The following FAM151B variants were observed in gnomAD, a reference collection of about 807,000 sequenced individuals.
FAM151B encodes the protein protein FAM151B.
Under a neutral mutation model 31.2 loss-of-function variants are expected in FAM151B, and 24 were observed. That is an observed-to-expected ratio of 0.77 (90% CI 0.56 to 1.08). The LOEUF (loss-of-function observed/expected upper bound fraction) is 1.08, where lower values mean the gene tolerates loss of function less well. FAM151B is among the 50% of genes least tolerant of loss of function. FAM151B has a pLI of 0.00. For synonymous variants in FAM151B, 105 were observed against 111.4 expected (o/e 0.94, Z 0.36); for missense variants, 293 against 328.6 (o/e 0.89, Z 0.84).
At chr5:80,504,681 A>G (rs1045422172) in intron 2 of FAM151B, among the ~76,000 whole-genome samples, 5 of 151,862 alleles carry the variant, frequency 3.3e-5, no homozygotes, top group Admixed American at 6.6e-5. Flanking sequence ...CACCATGCCC[A>G]GCTAATTTTT....
intron 2 of FAM151B, among the ~76,000 whole-genome samples, chr5:80,512,694 A>T (rs1053104384): frequency 1.2e-4 from 18 of 150,788 alleles, no homozygotes; most frequent in Middle Eastern, 3.4e-3. Context: ...AGGCGGGAGG[A>T]TTGCTTGAGC....
chr5:80,496,581 G>A (rs1463723131), intron 1 of FAM151B, among the ~76,000 whole-genome samples: 2 of 151,982 alleles, frequency 1.3e-5, no homozygotes, highest in African/African-American at 4.8e-5. Flanking sequence ...CCTATAAAAT[G>A]TATGATACCA....
chr5:80,538,533 C>CTTTCTTTTCT (rs138411434), intron 5 of FAM151B, among the ~76,000 whole-genome samples: 1 of 108,154 alleles, frequency 9.2e-6, no homozygotes, highest in African/African-American at 5.3e-5. Context: ...TCCTTCCTTC[C>CTTTCTTTTCT]TTCCTTCCTT....
chr5:80,516,974 T>G (rs1454633908), intron 3 of FAM151B, among the ~76,000 whole-genome samples: 1 of 152,186 alleles, frequency 6.6e-6, no homozygotes, highest in African/African-American at 2.4e-5. Context: ...TGTGGTGAAA[T>G]CTGGTACTTT....
intron 5 of FAM151B, among the ~76,000 whole-genome samples, chr5:80,522,726 T>C (rs1039940294): frequency 6.6e-6 from 1 of 152,146 alleles, no homozygotes; most frequent in African/African-American, 2.4e-5. Context: ...CATACAACTG[T>C]ACTACAGCCT....
chr5:80,531,670 A>G (rs2112664458), intron 5 of FAM151B, among the ~76,000 whole-genome samples: 1 of 152,350 alleles, frequency 6.6e-6, no homozygotes, highest in East Asian at 1.9e-4. Flanking sequence ...GAGAATGCAC[A>G]TCAAAACCAC....
intron 1 of FAM151B, among the ~76,000 whole-genome samples, chr5:80,494,262 T>G (rs1309228751): frequency 7.9e-5 from 12 of 152,142 alleles, no homozygotes; most frequent in Non-Finnish European, 2.9e-5. Flanking sequence ...AAGCTGGAGA[T>G]TCTCAGAGGT....
intron 5 of FAM151B, among the ~76,000 whole-genome samples, chr5:80,536,290 C>A (rs1156523389): frequency 6.6e-6 from 1 of 152,118 alleles, no homozygotes; most frequent in Non-Finnish European, 1.5e-5. Context: ...CCTGCCTCAG[C>A]TTCCCAAGTA....
chr5:80,536,364 C>T (rs566166520), intron 5 of FAM151B, among the ~76,000 whole-genome samples: 15 of 151,834 alleles, frequency 9.9e-5, no homozygotes, highest in South Asian at 4.2e-4. Flanking sequence ...TTAGTAGAGA[C>T]GGAGTTTCAC....
At chr5:80,538,472 T>C (rs1398712758) in intron 5 of FAM151B, among the ~76,000 whole-genome samples, 3,951 of 116,420 alleles carry the variant, frequency 0.034, 202 homozygotes, top group South Asian at 0.076. Flanking sequence ...CTTTCTTTCT[T>C]TCTTTCTTTC....
intron 2 of FAM151B, among the ~76,000 whole-genome samples, chr5:80,503,739 G>A (rs966995611): frequency 7.2e-5 from 11 of 152,190 alleles, no homozygotes; most frequent in Admixed American, 4.6e-4. Context: ...ATAGCCTGGG[G>A]ATGGTGAAAA....
chr5:80,505,009 G>A (rs559022087), intron 2 of FAM151B, among the ~76,000 whole-genome samples: 5 of 152,180 alleles, frequency 3.3e-5, no homozygotes, highest in Non-Finnish European at 7.3e-5. Flanking sequence ...TCCCCCTGGC[G>A]AGATAAGCCA....
intron 1 of FAM151B, chr5:80,500,289 A>G: frequency 2.0e-5 from 14 of 714,314 alleles, no homozygotes; most frequent in South Asian, 1.5e-4. Flanking sequence ...CATACAGAAC[A>G]GATATATAAG....
At chr5:80,511,890 A>G in intron 2 of FAM151B, among the ~76,000 whole-genome samples, 1 of 152,202 alleles carries the variant, frequency 6.6e-6, no homozygotes, top group Non-Finnish European at 1.5e-5. Context: ...TATAAGCGTG[A>G]GCCACCATGC....
intron 5 of FAM151B, among the ~76,000 whole-genome samples, chr5:80,523,819 T>C (rs1049496291): frequency 6.6e-6 from 1 of 152,192 alleles, no homozygotes; most frequent in African/African-American, 2.4e-5. Flanking sequence ...CAGTGGCTGC[T>C]AGCATTATGC....
intron 5 of FAM151B, among the ~76,000 whole-genome samples, chr5:80,528,218 C>T (rs1031539673): frequency 6.6e-6 from 1 of 151,504 alleles, no homozygotes; most frequent in Non-Finnish European, 1.5e-5. Flanking sequence ...AGTGGATACA[C>T]AAAAAGTAAC....
intron 1 of FAM151B, chr5:80,501,263 G>A (rs933953083): frequency 2.9e-5 from 14 of 475,084 alleles, no homozygotes; most frequent in Admixed American, 1.1e-4. Context: ...CAGGTAATCC[G>A]CCCACCTCAG....
rs770275789 is a variant in FAM151B, at chr5:80,513,675, G to C, written c.223G>C (p.Ala75Pro). The change falls in exon 3 of 6, where the codon GCC (alanine) becomes CCC (proline). Residue 75 changes from alanine to proline, a missense_variant. Coordinates refer to ENST00000282226, the MANE Select transcript of FAM151B (RefSeq NM_205548.3). ...DGSEHSQPIM[A>P]HPPETNSDNT... ...ATCAGAACACAGCCAGCCAATTATG[G>C]CCCATCCCCCTGAAACAAACAGTGA... is the stretch of plus-strand genomic sequence containing the variant. The C allele has an allele frequency of 1.9e-5, 31 of 1,613,962 alleles. No individual in the cohort carries two copies. The highest frequency in any genetic ancestry group is 5.5e-5 in the South Asian group (5 of 91,090).
Position 80,542,080 on chromosome 5 carries a change from CT to C in FAM151B, c.*249del, listed in dbSNP as rs1381370799. 189 of 396,834 alleles carry C rather than the reference CT, an allele frequency of 4.8e-4. No homozygotes were observed. Among genetic ancestry groups the C allele is most frequent in the African/African-American group, 3.6e-3 (174 of 48,198 alleles). The allele number at this position is 396,834 out of a possible 1,614,324, so 24.6% of individuals were successfully genotyped here. The stretch of plus-strand genomic sequence containing the variant: ...AATAATAATTCAGGAAAATGATACT[CT>C]GCACCCCTTCATAAAAATAGTTTTG... On this transcript the variant is annotated 3_prime_UTR_variant, in exon 6 of 6. Coordinates refer to ENST00000282226, the MANE Select transcript of FAM151B (RefSeq NM_205548.3).
Sources: allele counts gnomAD v4.1 joint callset (sites outside exome capture counted in the v4.1 genomes callset), GRCh38; gene constraint gnomAD v4.1.1; transcripts MANE v1.5; gene names NCBI Gene and HGNC (gene_info 2026-07-23, HGNC 2026-07-21).